HTR1E: variants seen among roughly 807,000 people sequenced by gnomAD.
The protein encoded by HTR1E is 5-HT-1E.
Under a neutral mutation model 3.4 loss-of-function variants are expected in HTR1E, and 3 were observed. The ratio of observed to expected loss-of-function variants is 0.89; its 90% CI spans 0.41 to 2.31. The LOEUF (loss-of-function observed/expected upper bound fraction) is 2.31. HTR1E is among the 30% of genes most tolerant of loss of function. The probability of loss-of-function intolerance (pLI) is 0.05; values close to 1 mark genes in which losing one functional copy is unlikely to be tolerated. For synonymous variants in HTR1E, 170 were observed against 182.8 expected, an observed-to-expected ratio of 0.93 and a Z score of 0.56; for missense variants, 392 against 467.0, an observed-to-expected ratio of 0.84 and a Z score of 1.48.
At position 87,015,780 on chromosome 6, in the gene HTR1E, T is replaced by C; in HGVS notation, c.446T>C (p.Ile149Thr). 6.2e-7 allele frequency: 1 copy of C among 1,610,724 alleles called. No homozygotes were observed. ...CTGATGATCCTTACCGTCTGGACCA[T>C]CTCCATTTTCATCTCCATGCCCCCT... ...AALMILTVWT[I>T]SIFISMPPLF... is the part of the protein sequence containing the mutation. The change falls in exon 2 of 2, where the codon ATC (isoleucine) becomes ACC (threonine). Residue 149 changes from isoleucine (I) to threonine (T), a missense_variant. Transcript: ENST00000305344.
intron 1 of HTR1E, among the ~76,000 whole-genome samples, chr6:86,954,952 T>C (rs957988508): frequency 3.3e-5 from 5 of 152,170 alleles, no homozygotes; most frequent in African/African-American, 1.2e-4. Flanking sequence ...TCAAGATGTA[T>C]CTGGGAAAAG....
At chr6:86,978,634 A>G (rs1767670886) in intron 1 of HTR1E, among the ~76,000 whole-genome samples, 1 of 152,174 alleles carries the variant, frequency 6.6e-6, no homozygotes, top group Non-Finnish European at 1.5e-5. Flanking sequence ...GGGCTTTTGT[A>G]CTTGCAGCCA....
chr6:87,010,162 A>T (rs1297639735), intron 1 of HTR1E, among the ~76,000 whole-genome samples: 10 of 115,260 alleles, frequency 8.7e-5, no homozygotes, highest in African/African-American at 3.3e-4. Context: ...CACCTCCCGG[A>T]CGGGGCGGCT....
chr6:86,962,462 C>T (rs1467376952), intron 1 of HTR1E, among the ~76,000 whole-genome samples: 2 of 152,148 alleles, frequency 1.3e-5, no homozygotes, highest in Non-Finnish European at 2.9e-5. Context: ...TTACCTAGTG[C>T]CATCCTAACA....
chr6:86,971,686 A>G (rs755402063), intron 1 of HTR1E, among the ~76,000 whole-genome samples: 1 of 152,124 alleles, frequency 6.6e-6, no homozygotes, highest in Admixed American at 6.5e-5. Context: ...GGACATGAAC[A>G]GAAATCATTT....
chr6:87,000,363 A>G (rs1456860224), intron 1 of HTR1E: 2 of 152,196 alleles, frequency 1.3e-5, no homozygotes, highest in African/African-American at 4.8e-5. Flanking sequence ...AACTTCCAAA[A>G]CCTAGAGTAA....
chr6:86,955,731 A>AGTGTGT (rs200915143), intron 1 of HTR1E, among the ~76,000 whole-genome samples: 1 of 151,514 alleles, frequency 6.6e-6, no homozygotes. Flanking sequence ...AGTGAGAGAG[A>AGTGTGT]GTGTGTGTGT....
chr6:87,016,318 T>G lies in HTR1E; in HGVS notation c.984T>G (p.Phe328Leu). 1.2e-6 allele frequency: 2 copies of G among 1,614,228 alleles called. No individual in the cohort carries two copies. Among genetic ancestry groups the G allele is most frequent in the Non-Finnish European group, 1.7e-6 (2 of 1,180,044 alleles). The change falls in exon 2 of 2, where the codon TTT becomes TTG. Residue 328 changes from phenylalanine (F) to leucine (L), a missense_variant. Around this residue, in one of 3 missense-constraint regions of HTR1E, gnomAD observed 178 missense variants for 164.9 expected, o/e 1.08. Transcript: ENST00000305344. ...IYTVSSEVAD[F>L]LTWLGYVNSL... Reference sequence around the variant, plus strand: ...CCGTGTCCTCGGAAGTGGCCGACTTTCTGACGTGGCTCGGTTATGTGAATT... The same window carrying G: ...CCGTGTCCTCGGAAGTGGCCGACTTGCTGACGTGGCTCGGTTATGTGAATT...
intron 1 of HTR1E, among the ~76,000 whole-genome samples, chr6:86,990,371 C>A (rs1175293568): frequency 6.6e-6 from 1 of 152,162 alleles, no homozygotes; most frequent in Non-Finnish European, 1.5e-5. Flanking sequence ...TCAATGGAGA[C>A]TCTGTATTGA....
chr6:87,009,927 A>G (rs1359873997), intron 1 of HTR1E, among the ~76,000 whole-genome samples: 3 of 85,538 alleles, frequency 3.5e-5, no homozygotes, highest in Admixed American at 1.1e-4. Context: ...CTGGCCGGGC[A>G]GAGGGGCTCC....
intron 1 of HTR1E, among the ~76,000 whole-genome samples, chr6:86,974,675 A>G (rs1174077863): frequency 6.6e-6 from 1 of 151,476 alleles, no homozygotes; most frequent in African/African-American, 2.4e-5. Flanking sequence ...TCAACTTTGA[A>G]GTTATTCTTT....
At chr6:86,960,736 A>G (rs1767393425) in intron 1 of HTR1E, among the ~76,000 whole-genome samples, 1 of 152,168 alleles carries the variant, frequency 6.6e-6, no homozygotes, top group Non-Finnish European at 1.5e-5. Context: ...CGTAACCCTA[A>G]GCCTCAGTTT....
chr6:86,975,647 T>G (rs797017876), intron 1 of HTR1E, among the ~76,000 whole-genome samples: 1 of 151,910 alleles, frequency 6.6e-6, no homozygotes, highest in South Asian at 2.1e-4. Flanking sequence ...ATCCTCTCAC[T>G]CTGATTACAA....
At chr6:86,968,749 T>G (rs1269931283) in intron 1 of HTR1E, among the ~76,000 whole-genome samples, 1 of 152,172 alleles carries the variant, frequency 6.6e-6, no homozygotes, top group Admixed American at 6.5e-5. Context: ...TTTCCTAGTG[T>G]GGCATTCGTT....
Position 87,015,725 on chromosome 6 carries a change from G to T in HTR1E, c.391G>T (p.Ala131Ser), listed in dbSNP as rs764472292. The T allele has an allele frequency of 3.7e-6, 6 of 1,611,422 alleles. No individual in the cohort carries two copies. The African/African-American group carries it at 4.0e-5, about 11-fold the overall frequency. Residue 131 changes from alanine (A) to serine (S), a missense_variant, in exon 2 of 2, where the codon GCC (alanine) becomes TCC (serine). Transcript: ENST00000305344. Reference protein sequence around the residue: ...YWAITNAIEYARKRTAKRAAL... With the variant: ...YWAITNAIEYSRKRTAKRAAL... ...GGCCATCACCAATGCTATTGAATAC[G>T]CCAGGAAGAGGACGGCCAAGAGGGC... is the stretch of plus-strand genomic sequence containing the variant.
chr6:86,993,492 G>A (rs932863605), intron 1 of HTR1E, among the ~76,000 whole-genome samples: 4 of 151,444 alleles, frequency 2.6e-5, no homozygotes, highest in African/African-American at 7.3e-5. Context: ...ACTATTATTC[G>A]TGTAGGAGTC....
chr6:86,977,141 T>C (rs1767649825), intron 1 of HTR1E, among the ~76,000 whole-genome samples: 1 of 151,820 alleles, frequency 6.6e-6, no homozygotes, highest in Admixed American at 6.6e-5. Flanking sequence ...ACTCAGGGAG[T>C]AAGCTTAGTA....
At chr6:86,952,615 A>G (rs1364095487) in intron 1 of HTR1E, among the ~76,000 whole-genome samples, 1 of 152,042 alleles carries the variant, frequency 6.6e-6, no homozygotes, top group Admixed American at 6.6e-5. Flanking sequence ...CCCCCTTCCT[A>G]AAGGGGATAA....
At chr6:86,982,437 T>G (rs1324828968) in intron 1 of HTR1E, among the ~76,000 whole-genome samples, 1 of 152,100 alleles carries the variant, frequency 6.6e-6, no homozygotes, top group Non-Finnish European at 1.5e-5. Flanking sequence ...AGAATTTTGG[T>G]TGTGATGTGC....
Sources: gnomAD v4.1 joint callset for allele counts (sites outside exome capture counted in the v4.1 genomes callset) on GRCh38, gnomAD v4.1.1 for gene constraint, gnomAD v4.1.1 regional missense constraint, MANE v1.5 for transcripts, NCBI Gene and HGNC (gene_info 2026-07-23, HGNC 2026-07-21) for gene names.